Variants in AGBL4 observed in about 807,000 individuals in gnomAD.
AGBL4 encodes AGBL carboxypeptidase 4, also known as cytosolic carboxypeptidase 6.
AGBL4 carries 58 observed loss-of-function variants against 66.4 expected under a neutral mutation model. The ratio of observed to expected loss-of-function variants is 0.87; its 90% CI spans 0.71 to 1.09. AGBL4 has a LOEUF of 1.09. AGBL4 is among the 50% of genes least tolerant of loss of function. The pLI is 0.00. For synonymous variants in AGBL4, 234 were observed against 222.9 expected (o/e 1.05, Z -0.44); for missense variants, 579 against 631.0 (o/e 0.92, Z 0.88).
At chr1:50,004,330 G>A (rs1660979204) in intron 1 of AGBL4, among the ~76,000 whole-genome samples, 1 of 152,154 alleles carries the variant, frequency 6.6e-6, no homozygotes, top group South Asian at 2.1e-4. Flanking sequence ...AAAGGGCTCT[G>A]GTGTACTAAA....
intron 3 of AGBL4, among the ~76,000 whole-genome samples, chr1:49,347,826 C>T (rs1236786434): frequency 6.6e-6 from 1 of 151,814 alleles, no homozygotes; most frequent in African/African-American, 2.4e-5. Context: ...TGCCACTCTA[C>T]TCCAGCCTGG....
chr1:49,115,230 C>G (rs1405774050), intron 4 of AGBL4, among the ~76,000 whole-genome samples: 1 of 152,156 alleles, frequency 6.6e-6, no homozygotes, highest in Middle Eastern at 3.2e-3. Flanking sequence ...ATTCAGATAA[C>G]TCTTCTGATT....
chr1:49,039,823 T>A (rs7520773), intron 5 of AGBL4, among the ~76,000 whole-genome samples: 93,709 of 151,872 alleles, frequency 0.62, 29,342 homozygotes, highest in Middle Eastern at 0.67. Flanking sequence ...AGCATATGTC[T>A]TCTGGAAATT....
intron 9 of AGBL4, among the ~76,000 whole-genome samples, chr1:48,629,247 G>A (rs1483872901): frequency 6.6e-6 from 1 of 152,198 alleles, no homozygotes; most frequent in African/African-American, 2.4e-5. Context: ...GGCCCTGTCT[G>A]TGGCCTTGTG....
chr1:49,494,603 C>G (rs1380318137), intron 3 of AGBL4, among the ~76,000 whole-genome samples: 2 of 151,976 alleles, frequency 1.3e-5, no homozygotes, highest in Non-Finnish European at 2.9e-5. Context: ...AGGACATGAA[C>G]TCATCATTTT....
chr1:49,863,135 C>T (rs1646615272), intron 1 of AGBL4, among the ~76,000 whole-genome samples: 1 of 152,052 alleles, frequency 6.6e-6, no homozygotes, highest in South Asian at 2.1e-4. Context: ...CAGAAACAAA[C>T]ACATGTACAG....
At chr1:49,848,728 G>C (rs1646223294) in intron 2 of AGBL4, among the ~76,000 whole-genome samples, 1 of 152,060 alleles carries the variant, frequency 6.6e-6, no homozygotes. Flanking sequence ...TTGGGTAATG[G>C]TTACACTAAA....
At chr1:49,189,751 A>C (rs1647080441) in intron 4 of AGBL4, among the ~76,000 whole-genome samples, 1 of 152,208 alleles carries the variant, frequency 6.6e-6, no homozygotes, top group Admixed American at 6.5e-5. Flanking sequence ...TTGCTTGCTG[A>C]GAACTTTGCA....
At chr1:49,432,689 A>C (rs1482734448) in intron 3 of AGBL4, among the ~76,000 whole-genome samples, 1 of 152,228 alleles carries the variant, frequency 6.6e-6, no homozygotes, top group Admixed American at 6.5e-5. Context: ...AAGCTCAAAC[A>C]AAATGGCATA....
intron 1 of AGBL4, among the ~76,000 whole-genome samples, chr1:50,020,133 A>G (rs1662334635): frequency 6.6e-6 from 1 of 152,034 alleles, no homozygotes; most frequent in Non-Finnish European, 1.5e-5. Context: ...GACCGGTCCC[A>G]TGATACACAG....
intron 4 of AGBL4, among the ~76,000 whole-genome samples, chr1:49,069,523 A>C (rs1480198069): frequency 1.3e-5 from 2 of 151,912 alleles, no homozygotes; most frequent in Admixed American, 1.3e-4. Flanking sequence ...TCAGTGTGTC[A>C]AAGATCAGAT....
At chr1:49,056,920 T>C (rs1239661895) in intron 4 of AGBL4, among the ~76,000 whole-genome samples, 1 of 152,190 alleles carries the variant, frequency 6.6e-6, no homozygotes, top group Non-Finnish European at 1.5e-5. Flanking sequence ...AATTTTCACA[T>C]CTCACTAAGG....
chr1:48,549,899 CTG>C (rs1350662698), intron 11 of AGBL4, among the ~76,000 whole-genome samples: 1 of 151,978 alleles, frequency 6.6e-6, no homozygotes, highest in Non-Finnish European at 1.5e-5. Context: ...AGAGGACAGA[CTG>C]TAAATGAGAT....
intron 2 of AGBL4, among the ~76,000 whole-genome samples, chr1:49,713,317 G>A (rs1647817499): frequency 6.6e-6 from 1 of 151,878 alleles, no homozygotes; most frequent in Admixed American, 6.6e-5. Flanking sequence ...AAGCTTACAG[G>A]GGCTGAAAAG....
chr1:49,681,969 T>C (rs896249378), intron 3 of AGBL4, among the ~76,000 whole-genome samples: 1 of 152,142 alleles, frequency 6.6e-6, no homozygotes, highest in Admixed American at 6.6e-5. Flanking sequence ...TTTATTTAAA[T>C]CAAGAAAGAA....
chr1:49,667,631 C>T (rs2124513411), intron 3 of AGBL4, among the ~76,000 whole-genome samples: 1 of 152,208 alleles, frequency 6.6e-6, no homozygotes, highest in East Asian at 1.9e-4. Context: ...TAAATATCTG[C>T]ACAAGGCTTC....
At chr1:48,709,105 G>C (rs1161938443) in intron 6 of AGBL4, among the ~76,000 whole-genome samples, 1 of 152,186 alleles carries the variant, frequency 6.6e-6, no homozygotes, top group Non-Finnish European at 1.5e-5. Flanking sequence ...CTCTTACTTG[G>C]ATAAGGTTCC....
chr1:49,629,495 T>C (rs1322899323), intron 3 of AGBL4, among the ~76,000 whole-genome samples: 4 of 152,184 alleles, frequency 2.6e-5, no homozygotes, highest in Non-Finnish European at 5.9e-5. Context: ...TTGATCTCAA[T>C]TATACACTTG....
rs140154790 is a variant in AGBL4, at chr1:48,771,523, C to T, written c.634+95668G>A. Among the ~76,000 whole-genome samples the T allele has an allele frequency of 2.5e-3, 388 of 152,286 alleles. 3 individuals carry two copies. Among genetic ancestry groups the T allele is most frequent in the African/African-American group, 9.1e-3 (379 of 41,570 alleles). ...GAGAAATCACATTAGACTGAACCCTCAATGGTTAACATCCCAGTAGAATCC... is the reference window on the plus strand; with the variant it reads ...GAGAAATCACATTAGACTGAACCCTTAATGGTTAACATCCCAGTAGAATCC... On this transcript the variant is annotated intron_variant, in intron 6 of 13. Transcript: ENST00000371839.
Sources: allele counts gnomAD v4.1 joint callset (sites outside exome capture counted in the v4.1 genomes callset), GRCh38; gene constraint gnomAD v4.1.1; transcripts MANE v1.5; gene names NCBI Gene and HGNC (gene_info 2026-07-23, HGNC 2026-07-21).